Variants in LZTS1 observed in about 807,000 individuals in gnomAD.
LZTS1 encodes the protein leucine zipper tumor suppressor 1.
In LZTS1, 31 loss-of-function variants were observed where a neutral mutation model predicts 45.8. That is an observed-to-expected ratio of 0.68 (90% CI 0.51 to 0.91). LZTS1 has a LOEUF of 0.91. Ranked by LOEUF, LZTS1 falls within the 40% of genes least tolerant of loss-of-function variation. LZTS1 has a pLI of 0.00. For missense variants in LZTS1, 821 were observed against 788.9 expected, an observed-to-expected ratio of 1.04 and a Z score of -0.49; for synonymous variants, 359 against 357.3, an observed-to-expected ratio of 1.00 and a Z score of -0.05.
rs1279646091 is a variant in LZTS1 at position 20,252,728 on chromosome 8, G to T, written c.1149+54C>A. 6 of 1,439,626 alleles carry T rather than the reference G, an allele frequency of 4.2e-6. No homozygotes were observed. In the African/African-American group the frequency reaches 5.7e-5, roughly 14 times the overall value. 89.2% of individuals were successfully genotyped at this position (1,439,626 alleles called of 1,614,324 possible). A position where few individuals can be genotyped will look rare whatever the true frequency, so the allele number is the denominator to read the frequency against. On this transcript the variant is annotated intron_variant, in intron 3 of 3. Transcript: ENST00000381569. ...TGGCCGGCACCAGAAGGAGAGGGGG[G>T]TACTGGCGCCAAACCGCTGACCACC...
Position 20,274,542 on chromosome 8 carries a change from G to A in LZTS1, c.-134-19227C>T, listed in dbSNP as rs1480231130. On this transcript the variant is annotated intron_variant, in intron 1 of 3. Transcript: ENST00000381569. ...GAGCATTGGGTCCGAGCCTGTGGGCGTGTTGGAGTCTGTGGGCCTGAGTGT... is the reference window on the plus strand; with the variant it reads ...GAGCATTGGGTCCGAGCCTGTGGGCATGTTGGAGTCTGTGGGCCTGAGTGT... 5.9e-5 allele frequency among the ~76,000 whole-genome samples: 9 copies of A among 152,186 alleles called. No individual in the cohort carries two copies. The South Asian group carries it at 1.2e-3, about 21-fold the overall frequency.
intron 1 of LZTS1, among the ~76,000 whole-genome samples, chr8:20,264,453 C>T (rs534720058): frequency 6.6e-6 from 1 of 152,160 alleles, no homozygotes; most frequent in African/African-American, 2.4e-5. Context: ...CATCTAGGAC[C>T]TCTATTAGCC....
chr8:20,270,826 T>C (rs1800458085), intron 1 of LZTS1, among the ~76,000 whole-genome samples: 1 of 151,232 alleles, frequency 6.6e-6, no homozygotes, highest in Non-Finnish European at 1.5e-5. Context: ...TGTGTGTGTG[T>C]GTGTGTTTGT....
chr8:20,298,969 C>T (rs1801025007), intron 1 of LZTS1, among the ~76,000 whole-genome samples: 2 of 152,194 alleles, frequency 1.3e-5, no homozygotes, highest in Admixed American at 6.5e-5. Flanking sequence ...GCTAACTAGC[C>T]GTAAGCTCAC....
At chr8:20,252,680 C>A (rs772215964) in intron 3 of LZTS1, 102 bp downstream of exon 3, 9 of 1,047,158 alleles carry the variant, frequency 8.6e-6, no homozygotes, top group Non-Finnish European at 1.2e-5. Context: ...CGCTTGCCTG[C>A]GCGGTCTGTG....
Position 20,288,674 on chromosome 8 carries a change from G to T in LZTS1, c.-135+15066C>A, listed in dbSNP as rs552640015. Among the ~76,000 whole-genome samples, 143 of 152,298 alleles carry T rather than the reference G, an allele frequency of 9.4e-4. 1 individual carries two copies. Among genetic ancestry groups the T allele is most frequent in the African/African-American group, 3.3e-3 (139 of 41,568 alleles). On this transcript the variant is annotated intron_variant, in intron 1 of 3. Transcript: ENST00000381569. The stretch of plus-strand genomic sequence containing the variant: ...AGCAATACACACGCACAGGCATCGA[G>T]CACATGGCTCTCCCACCACTGGGGC...
Position 20,255,154 on chromosome 8 carries a change from C to A in LZTS1, c.28G>T (p.Gly10Cys), listed in dbSNP as rs770015908. 2 of 1,613,514 alleles carry A rather than the reference C, an allele frequency of 1.2e-6. No homozygotes were observed. Among genetic ancestry groups the A allele is most frequent in the South Asian group, 1.1e-5 (1 of 91,056 alleles). MGSVSSLIS[G>C]HSFHSKHCRA... is the part of the protein sequence containing the mutation. Reference sequence around the variant, plus strand: ...CAGTGCTTGCTGTGGAAGCTGTGGCCGGAGATGAGGCTACTGACGCTGCCC... The same window carrying A: ...CAGTGCTTGCTGTGGAAGCTGTGGCAGGAGATGAGGCTACTGACGCTGCCC... The change falls in exon 2 of 4, where the codon GGC (glycine) becomes TGC (cysteine). Residue 10 changes from glycine to cysteine, a missense_variant. Transcript: ENST00000381569.
Position 20,270,387 on chromosome 8 carries a change from C to G in LZTS1, c.-134-15072G>C, listed in dbSNP as rs77292687. ...CAAGGATGAAGCCAAGTCCCCCACC[C>G]TGCACCCCAGCAGCCTGCAGCTTCC... is the stretch of plus-strand genomic sequence containing the variant. On this transcript the variant is annotated intron_variant, in intron 1 of 3. Transcript: ENST00000381569. Among the ~76,000 whole-genome samples the G allele has an allele frequency of 8.9e-3, 1,352 of 152,358 alleles. 17 individuals are homozygous for G. Among genetic ancestry groups the G allele is most frequent in the African/African-American group, 0.031 (1,279 of 41,586 alleles).
chr8:20,253,486 G>A lies in LZTS1; in HGVS notation c.445C>T (p.Leu149=). The A allele has an allele frequency of 6.3e-7, 1 of 1,596,522 alleles. No homozygotes were observed. The highest frequency in any genetic ancestry group is 8.5e-7 in the Non-Finnish European group (1 of 1,172,652). Residue 149 remains leucine, a synonymous_variant, in exon 3 of 4, where the codon CTG becomes TTG. Coordinates refer to ENST00000381569, the MANE Select transcript of LZTS1 (RefSeq NM_021020.5). ...GGCTTGTCTGGAGGGGCGGGGTGCA[G>A]CTGGTGGCTGGCACTCTCCGGGGAG... The part of the protein sequence containing the change: ...HSSPESASHQ[L]HPAPPDKPKE...
chr8:20,269,859 T>C (rs1800437430), intron 1 of LZTS1, among the ~76,000 whole-genome samples: 1 of 152,186 alleles, frequency 6.6e-6, no homozygotes, highest in African/African-American at 2.4e-5. Flanking sequence ...CTTCACTCTC[T>C]AGACCAGGGT....
chr8:20,256,922 G>T (rs1182288753), intron 1 of LZTS1, among the ~76,000 whole-genome samples: 1 of 152,072 alleles, frequency 6.6e-6, no homozygotes, highest in African/African-American at 2.4e-5. Flanking sequence ...GCCTGAGGAT[G>T]GTTAACATGG....
chr8:20,266,246 C>CA (rs1182814737), intron 1 of LZTS1, among the ~76,000 whole-genome samples: 1 of 152,124 alleles, frequency 6.6e-6, no homozygotes, highest in Admixed American at 6.5e-5. Flanking sequence ...AGGCTGGTCT[C>CA]AAACTCCTGG....
intron 1 of LZTS1, among the ~76,000 whole-genome samples, chr8:20,260,783 TGAA>T (rs1800212235): frequency 1.3e-5 from 2 of 152,164 alleles, no homozygotes; most frequent in Admixed American, 1.3e-4. Context: ...GAGGGGTGAC[TGAA>T]GAATGGCCAC....
In LZTS1 at chr8:20,255,263, G is replaced by A; in HGVS notation, c.-82C>T. 1 of 1,494,570 alleles carries A rather than the reference G, an allele frequency of 6.7e-7. No individual in the cohort carries two copies. Among genetic ancestry groups the A allele is most frequent in the Non-Finnish European group, 8.9e-7 (1 of 1,127,282 alleles). The allele number at this position is 1,494,570 out of a possible 1,614,324, so 92.6% of individuals were successfully genotyped here. ...CAGCAAGGGGCAGTCGTGGCTCCGTGAGGGGACTGAGGTCATAGCAAAGCC... is the reference window on the plus strand; with the variant it reads ...CAGCAAGGGGCAGTCGTGGCTCCGTAAGGGGACTGAGGTCATAGCAAAGCC... On this transcript the variant is annotated 5_prime_UTR_variant, in exon 2 of 4. Transcript: ENST00000381569.
intron 1 of LZTS1, among the ~76,000 whole-genome samples, chr8:20,295,629 A>T (rs1800966824): frequency 6.6e-6 from 1 of 152,296 alleles, no homozygotes; most frequent in South Asian, 2.1e-4. Flanking sequence ...GGGAGGATAG[A>T]GATAAAAAGC....
chr8:20,264,115 C>A (rs1800301265), intron 1 of LZTS1, among the ~76,000 whole-genome samples: 1 of 152,086 alleles, frequency 6.6e-6, no homozygotes, highest in Non-Finnish European at 1.5e-5. Context: ...TCTATGAATG[C>A]TATATGTTTT....
intron 1 of LZTS1, among the ~76,000 whole-genome samples, chr8:20,277,712 G>C (rs896423417): frequency 6.6e-6 from 1 of 152,140 alleles, no homozygotes; most frequent in African/African-American, 2.4e-5. Flanking sequence ...CCAGGTGGGC[G>C]AACTGTCCTA....
rs750321010 is a variant in LZTS1, at chr8:20,253,481, G to C, written c.450C>G (p.His150Gln). 2 of 1,599,906 alleles carry C rather than the reference G, an allele frequency of 1.3e-6. No homozygotes were observed. The highest frequency in any genetic ancestry group is 1.3e-5 in the African/African-American group (1 of 74,906). The stretch of plus-strand genomic sequence containing the variant: ...CCTTGGGCTTGTCTGGAGGGGCGGG[G>C]TGCAGCTGGTGGCTGGCACTCTCCG... ...SSPESASHQL[H>Q]PAPPDKPKEQ... Residue 150 changes from histidine to glutamine, a missense_variant, in exon 3 of 4, where the codon CAC (histidine) becomes CAG (glutamine). His to Gln is a conservative substitution (Grantham distance 24). Transcript: ENST00000381569.
chr8:20,284,891 C>T (rs890347136), intron 1 of LZTS1, among the ~76,000 whole-genome samples: 8 of 152,134 alleles, frequency 5.3e-5, no homozygotes, highest in South Asian at 4.1e-4. Flanking sequence ...TGCTCCCATC[C>T]GATAGTCTTA....
Sources: allele counts gnomAD v4.1 joint callset (sites outside exome capture counted in the v4.1 genomes callset), GRCh38; gene constraint gnomAD v4.1.1; transcripts MANE v1.5; gene names NCBI Gene and HGNC (gene_info 2026-07-23, HGNC 2026-07-21).